Variants in SGCZ observed in about 807,000 individuals in gnomAD.
The protein encoded by SGCZ is sarcoglycan zeta.
In SGCZ, 40 loss-of-function variants were observed where a neutral mutation model predicts 41.3. The observed-to-expected ratio is 0.97, with a 90% confidence interval of 0.75 to 1.26. The LOEUF is 1.26. Among genes scored for constraint, SGCZ ranks in the 50% most tolerant of loss-of-function variants. The pLI, the probability that SGCZ is intolerant of heterozygous loss-of-function variation, is 0.00. For missense variants in SGCZ, 552 were observed against 369.8 expected (o/e 1.49, Z -4.04); for synonymous variants, 206 against 137.5 (o/e 1.50, Z -3.49).
At chr8:14,582,021 T>C (rs13256433) in intron 1 of SGCZ, among the ~76,000 whole-genome samples, 4,330 of 152,194 alleles carry the variant, frequency 0.028, 103 homozygotes, top group South Asian at 0.063. Context: ...ATCCTTCCTC[T>C]TCTCCCTCCT....
intron 3 of SGCZ, among the ~76,000 whole-genome samples, chr8:14,290,655 G>A (rs1800809154): frequency 6.6e-6 from 1 of 152,046 alleles, no homozygotes; most frequent in Non-Finnish European, 1.5e-5. Context: ...ACTCAAGTAT[G>A]AGTGGCTAGT....
At chr8:14,634,475 T>A (rs560658677) in intron 1 of SGCZ, among the ~76,000 whole-genome samples, 1 of 152,030 alleles carries the variant, frequency 6.6e-6, no homozygotes, top group East Asian at 1.9e-4. Flanking sequence ...AAAACCACAG[T>A]GTACCAAGTT....
At chr8:14,326,060 C>T (rs913654289) in intron 2 of SGCZ, among the ~76,000 whole-genome samples, 10 of 123,344 alleles carry the variant, frequency 8.1e-5, no homozygotes, top group South Asian at 2.5e-4. Context: ...ACAAATGAGC[C>T]GAGATCGCTC....
chr8:14,169,770 G>C (rs1028088844), intron 4 of SGCZ, among the ~76,000 whole-genome samples: 16 of 152,304 alleles, frequency 1.1e-4, no homozygotes, highest in Admixed American at 9.2e-4. Flanking sequence ...TTGAAAAAGA[G>C]GCATATTTTT....
chr8:14,214,805 C>A (rs1426497959), intron 4 of SGCZ, among the ~76,000 whole-genome samples: 4 of 152,078 alleles, frequency 2.6e-5, no homozygotes, highest in Middle Eastern at 3.4e-3. Context: ...TAGAAATCCA[C>A]TAAGATGACA....
chr8:15,133,840 A>G (rs1415336574), intron 1 of SGCZ, among the ~76,000 whole-genome samples: 2 of 152,150 alleles, frequency 1.3e-5, no homozygotes, highest in Non-Finnish European at 2.9e-5. Context: ...CAGATTTGTG[A>G]AAAAAACAAG....
At chr8:14,419,094 C>G (rs1799572102) in intron 2 of SGCZ, among the ~76,000 whole-genome samples, 1 of 151,828 alleles carries the variant, frequency 6.6e-6, no homozygotes, top group South Asian at 2.1e-4. Context: ...AGACCTACAG[C>G]AAATACTTTA....
chr8:15,039,552 T>A (rs566964273), intron 1 of SGCZ, among the ~76,000 whole-genome samples: 1 of 152,288 alleles, frequency 6.6e-6, no homozygotes, highest in African/African-American at 2.4e-5. Context: ...TATTGGACAA[T>A]ATGGTGACTA....
chr8:14,136,504 C>T (rs1803203352), intron 5 of SGCZ, among the ~76,000 whole-genome samples: 1 of 152,226 alleles, frequency 6.6e-6, no homozygotes, highest in African/African-American at 2.4e-5. Flanking sequence ...TTATATCCCA[C>T]ACCTGGCTCA....
chr8:14,507,528 T>C (rs1217863740), intron 2 of SGCZ, among the ~76,000 whole-genome samples: 2 of 152,204 alleles, frequency 1.3e-5, no homozygotes, highest in African/African-American at 4.8e-5. Flanking sequence ...CCCCACATCA[T>C]CTTGAACCTT....
At chr8:14,396,547 A>C (rs996993763) in intron 2 of SGCZ, among the ~76,000 whole-genome samples, 1 of 152,078 alleles carries the variant, frequency 6.6e-6, no homozygotes, top group Non-Finnish European at 1.5e-5. Context: ...ATAAACATGT[A>C]AACTTTCTCT....
At position 14,546,919 on chromosome 8, in the gene SGCZ, C is replaced by G. The variant is rs12548592; in HGVS notation, c.234+7813G>C. ...TGACCTTGGGAAGTTTATTTAATTT[C>G]CCTAAGTTTCTGCCTTTTCATCTGC... On this transcript the variant is annotated intron_variant, in intron 2 of 7. Coordinates refer to ENST00000382080, the MANE Select transcript of SGCZ (RefSeq NM_139167.4). Among the ~76,000 whole-genome samples the G allele has an allele frequency of 3.4e-3, 524 of 152,100 alleles. 6 individuals are homozygous for G. The highest frequency in any genetic ancestry group is 4.1e-3 in the Non-Finnish European group (280 of 67,996).
At chr8:14,569,074 T>A (rs1270036646) in intron 1 of SGCZ, among the ~76,000 whole-genome samples, 3 of 152,168 alleles carry the variant, frequency 2.0e-5, no homozygotes, top group Admixed American at 6.5e-5. Context: ...TCAATATTAT[T>A]TGAAAACATC....
chr8:14,977,200 C>A (rs958403998), intron 1 of SGCZ, among the ~76,000 whole-genome samples: 1 of 151,912 alleles, frequency 6.6e-6, no homozygotes, highest in Non-Finnish European at 1.5e-5. Context: ...TGAGGGAAGG[C>A]GCTATGTCTT....
intron 1 of SGCZ, among the ~76,000 whole-genome samples, chr8:14,576,019 ACAAG>A (rs1342041691): frequency 2.0e-5 from 3 of 152,272 alleles, no homozygotes; most frequent in African/African-American, 7.2e-5. Context: ...AAATGAGAAA[ACAAG>A]CAATACTGTA....
At chr8:15,047,370 G>A (rs2130987712) in intron 1 of SGCZ, among the ~76,000 whole-genome samples, 2 of 152,044 alleles carry the variant, frequency 1.3e-5, no homozygotes, top group South Asian at 4.1e-4. Context: ...TGTCCTTGAG[G>A]GAAATCACTT....
intron 1 of SGCZ, among the ~76,000 whole-genome samples, chr8:14,927,445 T>C (rs1001898825): frequency 1.3e-5 from 2 of 151,806 alleles, no homozygotes; most frequent in Non-Finnish European, 2.9e-5. Context: ...AATAAAACAC[T>C]TCAAAAGTGG....
chr8:14,584,275 G>A (rs575262828), intron 1 of SGCZ, among the ~76,000 whole-genome samples: 2 of 152,132 alleles, frequency 1.3e-5, no homozygotes, highest in Non-Finnish European at 2.9e-5. Context: ...GGCGCAGAAA[G>A]CACAGGTAAC....
chr8:14,492,241 A>T (rs565214188), intron 2 of SGCZ, among the ~76,000 whole-genome samples: 1 of 152,218 alleles, frequency 6.6e-6, no homozygotes, highest in East Asian at 1.9e-4. Flanking sequence ...ATTAACTTCA[A>T]AATGTACTTA....
Sources: allele counts gnomAD v4.1 joint callset (sites outside exome capture counted in the v4.1 genomes callset), GRCh38; gene constraint gnomAD v4.1.1; transcripts MANE v1.5; gene names NCBI Gene and HGNC (gene_info 2026-07-23, HGNC 2026-07-21).